EMCN: variants seen among roughly 807,000 people sequenced by gnomAD.
The protein encoded by EMCN is endomucin.
EMCN carries 37 observed loss-of-function variants against 38.4 expected under a neutral mutation model. That is an observed-to-expected ratio of 0.96 (90% CI 0.74 to 1.27). The LOEUF (loss-of-function observed/expected upper bound fraction) is 1.27. EMCN is among the 50% of genes most tolerant of loss of function. EMCN has a pLI of 0.00. For synonymous variants in EMCN, 95 were observed against 100.8 expected, an observed-to-expected ratio of 0.94 and a Z score of 0.35; for missense variants, 318 against 302.8, an observed-to-expected ratio of 1.05 and a Z score of -0.37.
intron 11 of EMCN, among the ~76,000 whole-genome samples, chr4:100,406,524 T>C (rs1726395378): frequency 6.6e-6 from 1 of 152,188 alleles, no homozygotes; most frequent in East Asian, 1.9e-4. Flanking sequence ...TTATTTAATA[T>C]CCACTTAGTT....
In EMCN at chr4:100,479,950, C is replaced by A. The variant is rs759272822; in HGVS notation, c.154G>T (p.Val52Phe). ...GTTGTTCCAGTTGTTGGTGTGACAA[C>A]ATTTTTCTGTAATGATTCTGTGTTT... ...TPNTESLQKN[V>F]VTPTTGTTPK... The change falls in exon 2 of 12, where the codon GTT becomes TTT. Residue 52 changes from valine to phenylalanine, a missense_variant. By Grantham distance (50) the Val-to-Phe change is conservative. Coordinates refer to ENST00000296420, the MANE Select transcript of EMCN (RefSeq NM_016242.4). The A allele has an allele frequency of 1.4e-5, 22 of 1,608,826 alleles. No individual in the cohort carries two copies. Among genetic ancestry groups the A allele is most frequent in the Admixed American group, 3.4e-5 (2 of 59,098 alleles).
At chr4:100,436,805 GAGCCATAAGA>G (rs1727366464) in intron 5 of EMCN, among the ~76,000 whole-genome samples, 2 of 152,156 alleles carry the variant, frequency 1.3e-5, no homozygotes, top group Admixed American at 1.3e-4. Flanking sequence ...AGTCGGAGCT[GAGCCATAAGA>G]ACACATGGAC....
chr4:100,470,133 A>G (rs1258227136), intron 3 of EMCN, among the ~76,000 whole-genome samples: 2 of 152,042 alleles, frequency 1.3e-5, no homozygotes, highest in Non-Finnish European at 2.9e-5. Flanking sequence ...AAATTTTTGC[A>G]TACTCTGCAT....
intron 11 of EMCN, among the ~76,000 whole-genome samples, chr4:100,403,933 T>C (rs1458801312): frequency 6.6e-6 from 1 of 152,068 alleles, no homozygotes; most frequent in Non-Finnish European, 1.5e-5. Flanking sequence ...TTTTTACTCT[T>C]TCATTTGTTT....
intron 1 of EMCN, among the ~76,000 whole-genome samples, chr4:100,510,434 C>T (rs537585382): frequency 3.6e-4 from 54 of 152,030 alleles, no homozygotes; most frequent in Middle Eastern, 3.2e-3. Context: ...TTTCACTTTG[C>T]GAGAATTAAC....
chr4:100,482,057 A>G (rs767719740), intron 1 of EMCN, among the ~76,000 whole-genome samples: 5 of 152,150 alleles, frequency 3.3e-5, no homozygotes, highest in Admixed American at 6.6e-5. Flanking sequence ...GATATCAAAC[A>G]TTACTTTCAG....
At chr4:100,487,434 G>T (rs532835217) in intron 1 of EMCN, among the ~76,000 whole-genome samples, 4 of 152,248 alleles carry the variant, frequency 2.6e-5, no homozygotes, top group Non-Finnish European at 4.4e-5. Flanking sequence ...CCTTTTCTGG[G>T]CTCCACATAG....
intron 1 of EMCN, 67 bp from the exon 2 acceptor site, chr4:100,480,106 T>A: frequency 7.2e-7 from 1 of 1,382,874 alleles, no homozygotes; most frequent in South Asian, 1.3e-5. Context: ...CTAGTATATT[T>A]AAACAAGTGT....
intron 9 of EMCN, among the ~76,000 whole-genome samples, chr4:100,416,373 G>T (rs4361395): frequency 0.9 from 137,226 of 152,104 alleles, 61,923 homozygotes; most frequent in South Asian, 0.96. Context: ...TTTGGGCTTA[G>T]GCTGAATTCT....
intron 11 of EMCN, among the ~76,000 whole-genome samples, chr4:100,407,893 C>G (rs1363899097): frequency 3.3e-5 from 5 of 152,120 alleles, no homozygotes; most frequent in Non-Finnish European, 7.4e-5. Flanking sequence ...TTTACATAAT[C>G]TCATGTTTCT....
At chr4:100,497,260 A>C (rs1729232186) in intron 1 of EMCN, among the ~76,000 whole-genome samples, 2 of 151,818 alleles carry the variant, frequency 1.3e-5, no homozygotes, top group South Asian at 4.2e-4. Context: ...AAAAAAAAAA[A>C]AAACTAGATT....
rs961054313 is a variant in EMCN, at chr4:100,467,639, G to A, written c.260-2100C>T. 7.3e-5 allele frequency among the ~76,000 whole-genome samples: 10 copies of A among 137,888 alleles called. No homozygotes were observed. In the East Asian group the frequency reaches 1.5e-3, roughly 20 times the overall value. 90.5% of individuals were successfully genotyped at this position (137,888 alleles called of 152,430 possible). ...GGAGCTTGCAGTGAGCCGGGATAGC[G>A]CCACTGCAGTCCAGCTTGGGCGAAA... On this transcript the variant is annotated intron_variant, in intron 3 of 11. Transcript: ENST00000296420.
At chr4:100,453,652 C>A (rs1171235638) in intron 4 of EMCN, among the ~76,000 whole-genome samples, 1 of 152,126 alleles carries the variant, frequency 6.6e-6, no homozygotes, top group South Asian at 2.1e-4. Context: ...TACCATTTGA[C>A]CCAGCCATCC....
chr4:100,456,962 C>G (rs1728034450), intron 4 of EMCN, among the ~76,000 whole-genome samples: 1 of 151,884 alleles, frequency 6.6e-6, no homozygotes, highest in African/African-American at 2.4e-5. Flanking sequence ...TAAATGTTTG[C>G]TTTATATATT....
At chr4:100,477,797 T>G (rs1171057575) in intron 2 of EMCN, among the ~76,000 whole-genome samples, 1 of 152,176 alleles carries the variant, frequency 6.6e-6, no homozygotes, top group South Asian at 2.1e-4. Context: ...AGATACCTTT[T>G]TTTTTGTATT....
chr4:100,401,636 C>T (rs1726263112), intron 11 of EMCN, among the ~76,000 whole-genome samples: 1 of 152,110 alleles, frequency 6.6e-6, no homozygotes. Context: ...GTTCACAAAG[C>T]TACTCCCAGA....
intron 3 of EMCN, among the ~76,000 whole-genome samples, chr4:100,471,976 C>G (rs1010090991): frequency 6.6e-6 from 1 of 151,984 alleles, no homozygotes; most frequent in African/African-American, 2.4e-5. Context: ...TAACATCATA[C>G]TTACTGGTGA....
chr4:100,412,171 CAG>C (rs1350078318), intron 10 of EMCN, among the ~76,000 whole-genome samples: 1 of 152,042 alleles, frequency 6.6e-6, no homozygotes, highest in African/African-American at 2.4e-5. Context: ...GAGAGACAGT[CAG>C]GGGACAGGGA....
At chr4:100,467,744 T>G (rs997884457) in intron 3 of EMCN, among the ~76,000 whole-genome samples, 2 of 151,618 alleles carry the variant, frequency 1.3e-5, no homozygotes, top group African/African-American at 4.8e-5. Flanking sequence ...TTGAGAAAAT[T>G]TTTCCAGTTG....
Sources: allele counts gnomAD v4.1 joint callset (sites outside exome capture counted in the v4.1 genomes callset), GRCh38; gene constraint gnomAD v4.1.1; transcripts MANE v1.5; gene names NCBI Gene and HGNC (gene_info 2026-07-23, HGNC 2026-07-21).